UHRF2: variants seen among roughly 807,000 people sequenced by gnomAD.
UHRF2 encodes the protein ubiquitin like with PHD and ring finger domains 2.
UHRF2 carries 23 observed loss-of-function variants against 96.8 expected under a neutral mutation model. The observed-to-expected ratio is 0.24, with a 90% CI of 0.17 to 0.34. The LOEUF (loss-of-function observed/expected upper bound fraction) is 0.34. UHRF2 is among the 10% of genes least tolerant of loss of function. The pLI, the probability that UHRF2 is intolerant of heterozygous loss-of-function variation, is 1.00. For synonymous variants in UHRF2, 385 were observed against 332.6 expected (o/e 1.16, Z -1.72); for missense variants, 685 against 981.5 (o/e 0.70, Z 4.04).
intron 4 of UHRF2, among the ~76,000 whole-genome samples, chr9:6,469,776 G>GTA (rs939884876): frequency 8.0e-5 from 12 of 149,482 alleles, no homozygotes; most frequent in South Asian, 4.2e-4. Context: ...ATATATGTGT[G>GTA]TATATATATG....
intron 14 of UHRF2, among the ~76,000 whole-genome samples, chr9:6,503,491 T>A (rs182962102): frequency 5.0e-4 from 76 of 152,248 alleles, no homozygotes; most frequent in Middle Eastern, 6.8e-3. Context: ...ATGTTTACAT[T>A]AGGTGGCTCT....
At chr9:6,460,526 T>A in intron 3 of UHRF2, 47 bp from the exon 4 acceptor site, 1 of 1,494,784 alleles carries the variant, frequency 6.7e-7, no homozygotes, top group South Asian at 1.2e-5. Flanking sequence ...CATAAAACTT[T>A]AGTTGTCTTT....
chr9:6,426,956 C>G (rs912161334), intron 2 of UHRF2, among the ~76,000 whole-genome samples: 1 of 137,454 alleles, frequency 7.3e-6, no homozygotes, highest in African/African-American at 2.6e-5. Flanking sequence ...ACCATGTTGG[C>G]TAGGCTGGTC....
At chr9:6,451,007 A>C (rs926405643) in intron 3 of UHRF2, among the ~76,000 whole-genome samples, 2 of 152,194 alleles carry the variant, frequency 1.3e-5, no homozygotes, top group Non-Finnish European at 2.9e-5. Context: ...GTTCCAATTA[A>C]ATTTAGAGGA....
chr9:6,452,890 T>C (rs1262403600), intron 3 of UHRF2, among the ~76,000 whole-genome samples: 1 of 152,204 alleles, frequency 6.6e-6, no homozygotes, highest in Non-Finnish European at 1.5e-5. Flanking sequence ...TTTTAAAATA[T>C]GTGTAGCTGA....
chr9:6,460,193 AC>A (rs1272350056), intron 3 of UHRF2, among the ~76,000 whole-genome samples: 1 of 152,264 alleles, frequency 6.6e-6, no homozygotes, highest in Admixed American at 6.5e-5. Flanking sequence ...TAACAGTAAT[AC>A]GTGACTGAAT....
At chr9:6,487,158 C>G (rs563067692) in intron 9 of UHRF2, among the ~76,000 whole-genome samples, 2 of 123,980 alleles carry the variant, frequency 1.6e-5, no homozygotes, top group East Asian at 4.4e-4. Context: ...AACACATTCT[C>G]TATAGAGCTT....
chr9:6,494,311 T>G (rs912090643), intron 10 of UHRF2: 1 of 178,984 alleles, frequency 5.6e-6, no homozygotes, highest in Non-Finnish European at 1.2e-5. Flanking sequence ...AATAAAGTTA[T>G]GTTTGGGAGC....
chr9:6,428,011 C>T (rs531644308), intron 2 of UHRF2, among the ~76,000 whole-genome samples: 3 of 152,148 alleles, frequency 2.0e-5, no homozygotes, highest in Non-Finnish European at 4.4e-5. Flanking sequence ...CCAGAAAGAT[C>T]GTACTTTCAA....
chr9:6,446,073 G>T (rs1220984377), intron 3 of UHRF2, among the ~76,000 whole-genome samples: 1 of 142,354 alleles, frequency 7.0e-6, no homozygotes, highest in Non-Finnish European at 1.5e-5. Context: ...GCTCACTGCT[G>T]CCTTGACTTC....
rs547461823 is a variant in UHRF2 at position 6,462,968 on chromosome 9, A to G, written c.863+2177A>G. Among the ~76,000 whole-genome samples, 137 of 151,160 alleles carry G rather than the reference A, an allele frequency of 9.1e-4. 1 individual carries two copies. The highest frequency in any genetic ancestry group is 3.5e-3 in the Middle Eastern group (1 of 286). On this transcript the variant is annotated intron_variant, in intron 4 of 15. Coordinates refer to ENST00000276893, the MANE Select transcript of UHRF2 (RefSeq NM_152896.3). ...GAGGTATAGTTAAGAGTGGGAACAC[A>G]CTGGCTTTAGAAGTGGAACTGAGAC...
At chr9:6,489,827 T>C (rs1047390511) in intron 9 of UHRF2, among the ~76,000 whole-genome samples, 4 of 151,932 alleles carry the variant, frequency 2.6e-5, no homozygotes, top group Non-Finnish European at 5.9e-5. Flanking sequence ...TGAGTAGTTA[T>C]GGAGAGAGAA....
intron 3 of UHRF2, among the ~76,000 whole-genome samples, chr9:6,453,544 A>G (rs1215869560): frequency 6.6e-6 from 1 of 152,200 alleles, no homozygotes; most frequent in African/African-American, 2.4e-5. Flanking sequence ...ACCTCATTTT[A>G]TAGATTGAGA....
intron 4 of UHRF2, among the ~76,000 whole-genome samples, chr9:6,473,023 C>G (rs918194009): frequency 3.9e-5 from 6 of 152,134 alleles, no homozygotes; most frequent in African/African-American, 1.4e-4. Context: ...AGTAATCAAC[C>G]TAGTTGCAGT....
At chr9:6,414,686 G>A (rs1819490445) in intron 1 of UHRF2, among the ~76,000 whole-genome samples, 1 of 152,156 alleles carries the variant, frequency 6.6e-6, no homozygotes, top group Non-Finnish European at 1.5e-5. Context: ...CTTTGATTTG[G>A]TAGAAGTAGC....
intron 14 of UHRF2, among the ~76,000 whole-genome samples, chr9:6,502,746 C>G (rs965418945): frequency 1.3e-5 from 2 of 152,062 alleles, no homozygotes; most frequent in Non-Finnish European, 1.5e-5. Context: ...TAGATATACC[C>G]GTATTATAGG....
chr9:6,483,948 CA>C (rs1224062764), intron 8 of UHRF2, among the ~76,000 whole-genome samples: 2 of 152,212 alleles, frequency 1.3e-5, no homozygotes, highest in African/African-American at 4.8e-5. Flanking sequence ...CTCAGCCTCC[CA>C]AAGTGCTGGG....
chr9:6,426,273 T>C (rs1020892219), intron 2 of UHRF2, among the ~76,000 whole-genome samples: 5 of 152,230 alleles, frequency 3.3e-5, no homozygotes, highest in Admixed American at 6.5e-5. Flanking sequence ...CTCTTCTATT[T>C]CCTATTACTA....
At chr9:6,425,593 G>A (rs1442145830) in intron 2 of UHRF2, among the ~76,000 whole-genome samples, 3 of 149,864 alleles carry the variant, frequency 2.0e-5, no homozygotes, top group Non-Finnish European at 3.0e-5. Context: ...CATCTCTGCC[G>A]AAAATTAAAA....
Sources: allele counts gnomAD v4.1 joint callset (sites outside exome capture counted in the v4.1 genomes callset), GRCh38; gene constraint gnomAD v4.1.1; transcripts MANE v1.5; gene names NCBI Gene and HGNC (gene_info 2026-07-23, HGNC 2026-07-21).